Variants in PRR14 observed in about 807,000 individuals in gnomAD.
PRR14 encodes proline-rich protein 14.
PRR14 carries 33 observed loss-of-function variants against 57.2 expected under a neutral mutation model. That is an observed-to-expected ratio of 0.58 (90% CI 0.44 to 0.77). PRR14 has a LOEUF of 0.77. Ranked by LOEUF, PRR14 falls within the 30% of genes least tolerant of loss-of-function variation. The pLI is 0.00. For missense variants in PRR14, 716 were observed against 788.1 expected (o/e 0.91, Z 1.10); for synonymous variants, 303 against 314.7 (o/e 0.96, Z 0.39).
At chr16:30,652,175 T>G (rs1303776868) in intron 3 of PRR14, 7 of 639,708 alleles carry the variant, frequency 1.1e-5, no homozygotes, top group South Asian at 1.9e-5. Flanking sequence ...CCAACGATTT[T>G]GGGCTGGAAC....
In PRR14 at chr16:30,651,665, C is replaced by T. The variant is rs2052313674; in HGVS notation, c.20C>T (p.Ser7Phe). 1.2e-6 allele frequency: 2 copies of T among 1,611,274 alleles called. No individual in the cohort carries two copies. The highest frequency in any genetic ancestry group is 1.7e-6 in the Non-Finnish European group (2 of 1,179,320). The change falls in exon 2 of 12, where the codon TCC becomes TTC. Residue 7 changes from serine to phenylalanine, a missense_variant. Ser to Phe is a radical substitution (Grantham distance 155). Coordinates refer to ENST00000300835, the MANE Select transcript of PRR14 (RefSeq NM_024031.5). The surrounding 1 kb of genome is among the most constrained non-coding windows in gnomAD (Gnocchi z 5.0). ...TCTCCCATGGACTTGCCCGGGGACTCCAGGTGAGAGCGTACCCGGGCGGCC... is the reference window on the plus strand; with the variant it reads ...TCTCCCATGGACTTGCCCGGGGACTTCAGGTGAGAGCGTACCCGGGCGGCC... MDLPGDSSPPGQPRLCR... is the reference protein window; with the variant it reads MDLPGDFSPPGQPRLCR...
Position 30,653,033 on chromosome 16 carries a change from T to G in PRR14, c.434T>G (p.Val145Gly), listed in dbSNP as rs2052329882. 1 of 1,613,804 alleles carries G rather than the reference T, an allele frequency of 6.2e-7. No homozygotes were observed. The change falls in exon 5 of 12, where the codon GTG becomes GGG. Residue 145 changes from valine to glycine, a missense_variant. Val to Gly is a moderately radical substitution (Grantham distance 109, BLOSUM62 -3). Transcript: ENST00000300835. ...PGPEEGPSQKVDRAPQPTLVV... is the reference protein window; with the variant it reads ...PGPEEGPSQKGDRAPQPTLVV... ...CCAGAGGAGGGCCCTTCACAAAAGG[T>G]GGACCGGGCCCCCCAGCCCACCCTG...
chr16:30,653,097 C>T lies in PRR14; in HGVS notation c.498C>T (p.Pro166=), dbSNP rs201453506. The change falls in exon 5 of 12, where the codon CCC becomes CCT. Residue 166 remains proline (P), a synonymous_variant. Coordinates refer to ENST00000300835, the MANE Select transcript of PRR14 (RefSeq NM_024031.5). ...MLEDIASPRP[P]AEGFIDETPN... is the part of the protein sequence containing the mutation. ...AAGACATCGCCAGTCCTAGACCCCCCGCTGAGGTATGGGAACTGAGGGTAC... is the reference window on the plus strand; with the variant it reads ...AAGACATCGCCAGTCCTAGACCCCCTGCTGAGGTATGGGAACTGAGGGTAC... 4.9e-5 allele frequency: 78 copies of T among 1,602,944 alleles called. No individual in the cohort carries two copies. Among genetic ancestry groups the T allele is most frequent in the South Asian group, 2.7e-4 (24 of 90,024 alleles).
chr16:30,654,298 C>T lies in PRR14; in HGVS notation c.617C>T (p.Pro206Leu). 2.5e-6 allele frequency: 4 copies of T among 1,614,108 alleles called. No individual in the cohort carries two copies. Among genetic ancestry groups the T allele is most frequent in the Non-Finnish European group, 3.4e-6 (4 of 1,180,006 alleles). ...PPGDLEPPFQ[P>L]SALPADPLES... ...GGGGACCTAGAACCCCCATTCCAGC[C>T]ATCTGCTCTGCCTGCAGACCCTCTG... The change falls in exon 7 of 12, where the codon CCA (proline) becomes CTA (leucine). Residue 206 changes from proline (P) to leucine (L), a missense_variant. Transcript: ENST00000300835.
In PRR14 at chr16:30,651,838, A is replaced by G. The variant is rs1309352628; in HGVS notation, c.66A>G (p.Arg22=). Residue 22 remains arginine (R), a synonymous_variant, in exon 3 of 12, where the codon CGA becomes CGG. Transcript: ENST00000300835. The surrounding 1 kb of genome is among the most constrained non-coding windows in gnomAD (Gnocchi z 5.0). ...QPRLCRQPLT[R]ALWGARSPKR... ...GTCTGTGCCGCCAGCCTCTGACTCGAGCATTATGGGGAGCCAGGAGCCCGA... is the reference window on the plus strand; with the variant it reads ...GTCTGTGCCGCCAGCCTCTGACTCGGGCATTATGGGGAGCCAGGAGCCCGA... The G allele has an allele frequency of 1.2e-6, 2 of 1,606,936 alleles. No individual in the cohort carries two copies. The highest frequency in any genetic ancestry group is 8.5e-7 in the Non-Finnish European group (1 of 1,179,436).
Position 30,655,230 on chromosome 16 carries a change from A to G in PRR14, c.1244+16A>G. The G allele has an allele frequency of 1.3e-6, 2 of 1,590,068 alleles. No individual in the cohort carries two copies. The highest frequency in any genetic ancestry group is 1.7e-6 in the Non-Finnish European group (2 of 1,166,034). Reference sequence around the variant, plus strand: ...CAGAACCCAGGTAGTGCTCTCAAAAAACCCCCTTGAAGCCTGGCTGCAGCC... The same window carrying G: ...CAGAACCCAGGTAGTGCTCTCAAAAGACCCCCTTGAAGCCTGGCTGCAGCC... On this transcript the variant is annotated intron_variant, in intron 8 of 11. Transcript: ENST00000300835. This position sits in a 1 kb window ranked among gnomAD's most constrained non-coding sequence, Gnocchi z 4.6.
In PRR14 at chr16:30,654,747, C is replaced by T. The variant is rs749777730; in HGVS notation, c.777C>T (p.Ser259=). The T allele has an allele frequency of 7.4e-6, 12 of 1,613,586 alleles. No individual in the cohort carries two copies. In the South Asian group the frequency reaches 1.2e-4, roughly 16 times the overall value. The change falls in exon 8 of 12, where the codon AGC becomes AGT. Residue 259 remains serine (S), a synonymous_variant. Coordinates refer to ENST00000300835, the MANE Select transcript of PRR14 (RefSeq NM_024031.5). ...LFRSVRSKLE[S]FADIFLTPNK... The stretch of plus-strand genomic sequence containing the variant: ...GTTCCGTCCGCTCCAAGCTGGAGAG[C>T]TTTGCTGACATCTTCCTCACGCCCA...
intron 3 of PRR14, 33 bp from the exon 4 acceptor site, chr16:30,652,688 T>C (rs1439802723): frequency 6.2e-7 from 1 of 1,614,078 alleles, no homozygotes; most frequent in Admixed American, 1.7e-5. Flanking sequence ...CCTCATTCTA[T>C]CACCTTGCTC....
rs2151256900 is a variant in PRR14 at position 30,651,427 on chromosome 16, G to A, written c.-50-169G>A. ...GCGCGAGTGATCCGCTGATCGAGGC[G>A]GTGGCAGCGGGAGGACACCCGCTCC... On this transcript the variant is annotated intron_variant, in intron 1 of 11. Transcript: ENST00000300835. This position sits in a 1 kb window ranked among gnomAD's most constrained non-coding sequence, Gnocchi z 5.0. 2.1e-6 allele frequency: 1 copy of A among 484,442 alleles called. No homozygotes were observed. The highest frequency in any genetic ancestry group is 3.3e-5 in the South Asian group (1 of 30,678). The allele number at this position is 484,442 out of a possible 1,614,324, so 30.0% of individuals were successfully genotyped here.
chr16:30,650,895 G>A (rs755791558), upstream of PRR14: 3 of 413,680 alleles, frequency 7.3e-6, no homozygotes, highest in South Asian at 3.3e-5. Context: ...ATCTGGTCCC[G>A]GGCCGGGGGA....
chr16:30,652,590 T>A, intron 3 of PRR14, 131 bp from the exon 4 acceptor site: 1 of 1,154,470 alleles, frequency 8.7e-7, no homozygotes, highest in Non-Finnish European at 1.3e-6. Flanking sequence ...ATCTCTTCTC[T>A]TGGGATCCGA....
intron 3 of PRR14, 123 bp downstream of exon 3, chr16:30,652,087 G>A (rs2052319456): frequency 8.9e-7 from 1 of 1,121,664 alleles, no homozygotes; most frequent in Non-Finnish European, 1.2e-6. Context: ...TCAGCCCTCA[G>A]GCAGCCTCCC....
At chr16:30,654,129 A>C in intron 6 of PRR14, 101 bp from the exon 7 acceptor site, 2 of 165,412 alleles carry the variant, frequency 1.2e-5, no homozygotes, top group Non-Finnish European at 2.3e-5. Flanking sequence ...GCTCTGTCTC[A>C]AAAAAAAAAA....
intron 6 of PRR14, 76 bp downstream of exon 6, chr16:30,653,484 C>T (rs577049683): frequency 2.6e-5 from 37 of 1,414,980 alleles, no homozygotes; most frequent in South Asian, 2.1e-4. Context: ...CTAGGGGCAT[C>T]GGGACTGACT....
In PRR14 at chr16:30,656,160, G is replaced by T. The variant is rs903673551; in HGVS notation, c.1607G>T (p.Arg536Leu). The T allele has an allele frequency of 2.5e-6, 4 of 1,595,428 alleles. No homozygotes were observed. Among genetic ancestry groups the T allele is most frequent in the Admixed American group, 1.8e-5 (1 of 55,090 alleles). Reference sequence around the variant, plus strand: ...CTTCCTCGATCACGAAGACCGTCCCGTGGGGTCCGGGCTGCAGGGGGCAGG... The same window carrying T: ...CTTCCTCGATCACGAAGACCGTCCCTTGGGGTCCGGGCTGCAGGGGGCAGG... ...SSLPRSRRPS[R>L]GVRAAGGRTV... Residue 536 changes from arginine (R) to leucine (L), a missense_variant, in exon 12 of 12, where the codon CGT becomes CTT. Physicochemically the swap from Arg to Leu is moderately radical, Grantham distance 102. Transcript: ENST00000300835.
At chr16:30,652,380 C>T (rs781624448) in intron 3 of PRR14, 1 of 573,096 alleles carries the variant, frequency 1.7e-6, no homozygotes, top group African/African-American at 1.9e-5. Flanking sequence ...CTGCTTTCTT[C>T]CCAGCCCAGC....
At position 30,655,120 on chromosome 16, in the gene PRR14, G is replaced by A; in HGVS notation, c.1150G>A (p.Val384Ile). Residue 384 changes from valine to isoleucine, a missense_variant, in exon 8 of 12, where the codon GTC (valine) becomes ATC (isoleucine). Val to Ile is a conservative substitution (Grantham distance 29). Transcript: ENST00000300835. This position sits in a 1 kb window ranked among gnomAD's most constrained non-coding sequence, Gnocchi z 4.6. ...CCCTCGGCCCTGTCTCCGGAAAGAG[G>A]TCTTCCCTCTCGGAGGAGTGGGAGC... ...PPPRPCLRKE[V>I]FPLGGVGASP... 6.2e-6 allele frequency: 10 copies of A among 1,611,760 alleles called. No individual in the cohort carries two copies. Among genetic ancestry groups the A allele is most frequent in the Non-Finnish European group, 7.6e-6 (9 of 1,179,864 alleles).
chr16:30,655,475 C>G lies in PRR14; in HGVS notation c.1315-27C>G. 1 of 1,613,948 alleles carries G rather than the reference C, an allele frequency of 6.2e-7. No homozygotes were observed. The highest frequency in any genetic ancestry group is 8.5e-7 in the Non-Finnish European group (1 of 1,179,790). On this transcript the variant is annotated intron_variant, in intron 9 of 11. Transcript: ENST00000300835. This position sits in a 1 kb window ranked among gnomAD's most constrained non-coding sequence, Gnocchi z 4.6. ...AGTGGGGGCCTGAGCCCATGTCACT[C>G]TTTCACCCTCTGCCCCATTTTTGCA...
Position 30,654,222 on chromosome 16 carries a change from C to T in PRR14, c.549-8C>T, listed in dbSNP as rs201886826. 3.1e-4 allele frequency: 497 copies of T among 1,610,254 alleles called. 5 individuals carry two copies. The highest frequency in any genetic ancestry group is 2.7e-5 in the African/African-American group (2 of 74,936). The stretch of plus-strand genomic sequence containing the variant: ...TTCCCCTAGCCTTTACCTTGCCCTT[C>T]ACCCCAGAGCTGAGCCCATGAGGAT... On this transcript the variant is annotated splice_region_variant and splice_polypyrimidine_tract_variant and intron_variant, in intron 6 of 11. Coordinates refer to ENST00000300835, the MANE Select transcript of PRR14 (RefSeq NM_024031.5).
Sources: allele counts gnomAD v4.1 joint callset, GRCh38; gene constraint gnomAD v4.1.1; non-coding constraint Gnocchi (gnomAD v3.1); transcripts MANE v1.5; gene names NCBI Gene and HGNC (gene_info 2026-07-23, HGNC 2026-07-21).